The following PLIN4 variants were observed in gnomAD, a reference collection of about 807,000 sequenced individuals.
PLIN4 encodes perilipin-4.
A neutral mutation model predicts 52.4 loss-of-function variants in PLIN4; 57 were observed. That is an observed-to-expected ratio of 1.09 (90% CI 0.88 to 1.36). The LOEUF is 1.36. Ranked by LOEUF, PLIN4 falls within the 40% of genes most tolerant of loss-of-function variation. PLIN4 has a pLI of 0.00. For missense variants in PLIN4, 1,757 were observed against 1,770.3 expected (o/e 0.99, Z 0.13); for synonymous variants, 826 against 785.4 (o/e 1.05, Z -0.86).
chr19:4,509,450 C>T (rs1176638503), intron 5 of PLIN4, among the ~76,000 whole-genome samples: 6 of 148,474 alleles, frequency 4.0e-5, no homozygotes, highest in South Asian at 4.3e-4. Flanking sequence ...AACCTTATCT[C>T]TACTAAAAAT....
chr19:4,517,904 C>T (rs1056243995), intron 2 of PLIN4, among the ~76,000 whole-genome samples: 1 of 152,210 alleles, frequency 6.6e-6, no homozygotes, highest in African/African-American at 2.4e-5. Context: ...AGGAAAAGAT[C>T]GTCTACCCGA....
At position 4,513,707 on chromosome 19, in the gene PLIN4, G is replaced by A. The variant is rs1195821602; in HGVS notation, c.259-6C>T. The A allele has an allele frequency of 3.8e-6, 6 of 1,565,858 alleles. No individual in the cohort carries two copies. Among genetic ancestry groups the A allele is most frequent in the Admixed American group, 3.6e-5 (2 of 55,026 alleles). On this transcript the variant is annotated splice_polypyrimidine_tract_variant and splice_region_variant and intron_variant, in intron 4 of 7. Coordinates refer to ENST00000301286, the MANE Select transcript of PLIN4 (RefSeq NM_001367868.2). ...TCTTTGGCCCCGGACACCATCTGCT[G>A]AGAAAGGACACAGGTGGATCAAGAG... is the stretch of plus-strand genomic sequence containing the variant.
rs371310725 is a variant in PLIN4, at chr19:4,508,932, C to T, written c.3538G>A (p.Gly1180Arg). The change falls in exon 6 of 8, where the codon GGG (glycine) becomes AGG (arginine). Residue 1180 changes from glycine (G) to arginine (R), a missense_variant. Gly to Arg is a moderately radical substitution (Grantham distance 125, BLOSUM62 -2). Transcript: ENST00000301286. ...TGTTCCGCCGACAGCACCTTTGGCC[C>T]AGGCTGGGAGGCAGCCAGCTGAGCT... is the stretch of plus-strand genomic sequence containing the variant. ...EQAQLAASQP[G>R]PKVLSAEQGS... is the part of the protein sequence containing the mutation. The T allele has an allele frequency of 5.1e-5, 83 of 1,612,004 alleles. No individual in the cohort carries two copies. The highest frequency in any genetic ancestry group is 3.3e-4 in the Middle Eastern group (2 of 6,080).
At chr19:4,507,544 G>T (rs567933998) in intron 6 of PLIN4, among the ~76,000 whole-genome samples, 31 of 152,248 alleles carry the variant, frequency 2.0e-4, no homozygotes, top group African/African-American at 7.2e-4. Context: ...CAAATACTAA[G>T]CTGGGCGTGG....
chr19:4,508,938 G>A lies in PLIN4; in HGVS notation c.3532C>T (p.Gln1178Ter), dbSNP rs1234878162. The change falls in exon 6 of 8, where the codon CAG becomes TAG. Residue 1178 changes from glutamine (Q) to a stop codon, truncating the protein, a stop_gained. Coordinates refer to ENST00000301286, the MANE Select transcript of PLIN4 (RefSeq NM_001367868.2). LOFTEE classifies it high-confidence loss of function. ...AEEQAQLAAS[Q>*]PGPKVLSAEQ... ...GCCGACAGCACCTTTGGCCCAGGCT[G>A]GGAGGCAGCCAGCTGAGCTGGAAAG... 1.4e-5 allele frequency: 22 copies of A among 1,611,336 alleles called. No homozygotes were observed. The highest frequency in any genetic ancestry group is 1.7e-5 in the Non-Finnish European group (20 of 1,179,108).
chr19:4,504,639 G>A lies in PLIN4; in HGVS notation c.3936C>T (p.Leu1312=), dbSNP rs774053615. The A allele has an allele frequency of 1.1e-4, 176 of 1,603,860 alleles. No individual in the cohort carries two copies. The highest frequency in any genetic ancestry group is 1.5e-4 in the Non-Finnish European group (174 of 1,178,332). ...VGRARHSLCE[L]YGIVASAGSV... Reference sequence around the variant, plus strand: ...AGCCAGCTGAGGCCACGATGCCATAGAGCTCACAGAGGCTGTGCCGCGCCC... The same window carrying A: ...AGCCAGCTGAGGCCACGATGCCATAAAGCTCACAGAGGCTGTGCCGCGCCC... Residue 1312 remains leucine (L), a synonymous_variant, in exon 8 of 8, where the codon CTC becomes CTT. Transcript: ENST00000301286.
chr19:4,504,607 T>TCTACAGAGCCAGCTGAGGCCACGATGC lies in PLIN4; in HGVS notation c.3941_3967dup (p.Gly1314_Val1322dup), dbSNP rs746633589. The TCTACAGAGCCAGCTGAGGCCACGATGC allele has an allele frequency of 1.9e-6, 3 of 1,604,366 alleles. No individual in the cohort carries two copies. Among genetic ancestry groups the TCTACAGAGCCAGCTGAGGCCACGATGC allele is most frequent in the Admixed American group, 3.4e-5 (2 of 59,454 alleles). On this transcript the variant is annotated inframe_insertion, in exon 8 of 8. Transcript: ENST00000301286. ...CACCAGCCGCTCTGCGGGCAGCTCC[T>TCTACAGAGCCAGCTGAGGCCACGATGC]CTACAGAGCCAGCTGAGGCCACGAT...
intron 5 of PLIN4, 62 bp from the exon 6 acceptor site, chr19:4,509,017 AGTCAAGTGAGGGCCGG>A: frequency 6.7e-7 from 1 of 1,501,744 alleles, no homozygotes; most frequent in Non-Finnish European, 8.9e-7. Flanking sequence ...GCTTTATAAA[AGTCAAGTGAGGGCCGG>A]GCGCGGCGGT....
chr19:4,516,672 G>A lies in PLIN4; in HGVS notation c.203C>T (p.Ala68Val). 6.3e-7 allele frequency: 1 copy of A among 1,595,340 alleles called. No individual in the cohort carries two copies. The highest frequency in any genetic ancestry group is 1.3e-5 in the African/African-American group (1 of 74,560). Residue 68 changes from alanine (A) to valine (V), a missense_variant, in exon 4 of 8, where the codon GCC becomes GTC. Physicochemically the swap from Ala to Val is moderately conservative, Grantham distance 64. Around this residue, in one of 7 missense-constraint regions of PLIN4, gnomAD observed 332 missense variants for 310.8 expected, o/e 1.07. Coordinates refer to ENST00000301286, the MANE Select transcript of PLIN4 (RefSeq NM_001367868.2). ...CCATGGGGCCGTCTGCTCTGGGTGG[G>A]CAGCCACTGTGGGGACAGGGGCCGG... ...EAAQPQAQVA[A>V]HPEQTAPWTE...
chr19:4,510,566 C>T lies in PLIN4; in HGVS notation c.3394G>A (p.Glu1132Lys). The change falls in exon 5 of 8, where the codon GAG becomes AAG. Residue 1132 changes from glutamate to lysine, a missense_variant. This residue lies in a region of PLIN4 where 712 missense variants were observed against 637.1 expected (regional missense o/e 1.12). Coordinates refer to ENST00000301286, the MANE Select transcript of PLIN4 (RefSeq NM_001367868.2). ...TFTQGAAPGR[E>K]DTGLLATTHG... ...GTGGTGGCCAAAAGCCCCGTGTCCTCCCTGCCTGGGGCGGCCCCTTGGGTG... is the reference window on the plus strand; with the variant it reads ...GTGGTGGCCAAAAGCCCCGTGTCCTTCCTGCCTGGGGCGGCCCCTTGGGTG... The T allele has an allele frequency of 6.7e-7, 1 of 1,501,334 alleles. No homozygotes were observed. 93.0% of individuals were successfully genotyped at this position (1,501,334 alleles called of 1,614,324 possible). A position where few individuals can be genotyped will look rare whatever the true frequency, so the allele number is the denominator to read the frequency against.
Position 4,503,271 on chromosome 19 carries a change from G to GA in PLIN4, c.*1187dup, listed in dbSNP as rs1975981201. 1.3e-5 allele frequency: 2 copies of GA among 152,432 alleles called. No homozygotes were observed. The highest frequency in any genetic ancestry group is 6.5e-5 in the Admixed American group (1 of 15,282). The allele number at this position is 152,432 out of a possible 1,614,324, so 9.4% of individuals were successfully genotyped here. On this transcript the variant is annotated 3_prime_UTR_variant, in exon 8 of 8. Transcript: ENST00000301286. ...AAGGTTCTCTTACCGGGTGAGTGGGGATATGGCTTCCTGGGGAGGCCGGGC... is the reference window on the plus strand; with the variant it reads ...AAGGTTCTCTTACCGGGTGAGTGGGGAATATGGCTTCCTGGGGAGGCCGGGC...
intron 6 of PLIN4, among the ~76,000 whole-genome samples, chr19:4,506,071 TCTC>T (rs1976084290): frequency 6.6e-6 from 1 of 151,922 alleles, no homozygotes; most frequent in Non-Finnish European, 1.5e-5. Flanking sequence ...CGTCCCACTG[TCTC>T]CTCTGGCCCT....
rs777371925 is a variant in PLIN4, at chr19:4,513,558, G to A, written c.402C>T (p.Gly134=). 1.6e-5 allele frequency: 25 copies of A among 1,606,892 alleles called. No individual in the cohort carries two copies. The highest frequency in any genetic ancestry group is 1.8e-5 in the Non-Finnish European group (21 of 1,177,010). The change falls in exon 5 of 8, where the codon GGC becomes GGT. Residue 134 remains glycine, a synonymous_variant. Transcript: ENST00000301286. ...GLDTTRSALT[G]TKEVVSSGVT... is the part of the protein sequence containing the mutation. ...CCCCGCTGGACACCACCTCCTTGGTGCCCGTAAGTGCAGACCGAGTGGTGT... is the reference window on the plus strand; with the variant it reads ...CCCCGCTGGACACCACCTCCTTGGTACCCGTAAGTGCAGACCGAGTGGTGT...
In PLIN4 at chr19:4,510,490, T is replaced by C; in HGVS notation, c.3470A>G (p.Glu1157Gly). Residue 1157 changes from glutamate (E) to glycine (G), a missense_variant, in exon 5 of 8, where the codon GAG becomes GGG. By Grantham distance (98) the Glu-to-Gly change is moderately conservative (BLOSUM62 -2). Around this residue, in one of 7 missense-constraint regions of PLIN4, gnomAD observed 712 missense variants for 637.1 expected, o/e 1.12. Transcript: ENST00000301286. ...GGGGTGGAAGATGTCCCCCAGCCCC[T>C]CCAACTCATTCTGCAGCATTGCCAA... is the stretch of plus-strand genomic sequence containing the variant. ...PRLAMLQNEL[E>G]GLGDIFHPMN... is the part of the protein sequence containing the mutation. The C allele has an allele frequency of 2.1e-6, 3 of 1,461,996 alleles. No individual in the cohort carries two copies. Among genetic ancestry groups the C allele is most frequent in the South Asian group, 1.6e-5 (1 of 62,144 alleles). The allele number at this position is 1,461,996 out of a possible 1,614,324, so 90.6% of individuals were successfully genotyped here. A position where few individuals can be genotyped will look rare whatever the true frequency, so the allele number is the denominator to read the frequency against.
At chr19:4,506,723 A>G (rs1359107042) in intron 6 of PLIN4, among the ~76,000 whole-genome samples, 2 of 152,208 alleles carry the variant, frequency 1.3e-5, no homozygotes, top group East Asian at 3.9e-4. Flanking sequence ...GTTCTGGCCC[A>G]GGCTACTTTG....
intron 6 of PLIN4, among the ~76,000 whole-genome samples, chr19:4,506,642 C>T (rs539654054): frequency 1.2e-4 from 18 of 152,346 alleles, no homozygotes; most frequent in African/African-American, 3.8e-4. Flanking sequence ...GCATCCTTCA[C>T]GTGTGGCCCT....
Position 4,518,476 on chromosome 19 carries a change from G to T in PLIN4, c.-109C>A. ...GGTCCCCTGGAGGACGGACCGGCCC[G>T]GCTGGCAGCTGGCTCTACCCTCAGC... On this transcript the variant is annotated 5_prime_UTR_variant, in exon 1 of 8. Transcript: ENST00000301286. 1 of 1,216,830 alleles carries T rather than the reference G, an allele frequency of 8.2e-7. No individual in the cohort carries two copies. The highest frequency in any genetic ancestry group is 1.6e-5 in the African/African-American group (1 of 64,166). The allele number at this position is 1,216,830 out of a possible 1,614,324, so 75.4% of individuals were successfully genotyped here. A position where few individuals can be genotyped will look rare whatever the true frequency, so the allele number is the denominator to read the frequency against.
rs777888136 is a variant in PLIN4, at chr19:4,510,842, C to T, written c.3118G>A (p.Val1040Met). 1.7e-5 allele frequency: 28 copies of T among 1,612,502 alleles called. No individual in the cohort carries two copies. Among genetic ancestry groups the T allele is most frequent in the South Asian group, 4.4e-5 (4 of 91,050 alleles). The change falls in exon 5 of 8, where the codon GTG (valine) becomes ATG (methionine). Residue 1040 changes from valine (V) to methionine (M), a missense_variant. Val to Met is a conservative substitution (Grantham distance 21, BLOSUM62 1). Coordinates refer to ENST00000301286, the MANE Select transcript of PLIN4 (RefSeq NM_001367868.2). ...VSAGLMGSGN[V>M]ATGATHTGLS... ...CCAGTGTGGGTGGCCCCTGTCGCCA[C>T]GTTCCCTGACCCCATGAGCCCAGCG...
intron 6 of PLIN4, among the ~76,000 whole-genome samples, chr19:4,506,518 C>T (rs1032113201): frequency 6.6e-6 from 1 of 152,192 alleles, no homozygotes; most frequent in Non-Finnish European, 1.5e-5. Context: ...TCTTCCCCAA[C>T]CATGGCGCCC....
Sources: gnomAD v4.1 joint callset for allele counts (sites outside exome capture counted in the v4.1 genomes callset) on GRCh38, gnomAD v4.1.1 for gene constraint, gnomAD v4.1.1 regional missense constraint, MANE v1.5 for transcripts, NCBI Gene and HGNC (gene_info 2026-07-23, HGNC 2026-07-21) for gene names.